The following GSDME variants were observed in gnomAD, a reference collection of about 807,000 sequenced individuals.
GSDME encodes gasdermin-E.
Under a neutral mutation model 47.5 loss-of-function variants are expected in GSDME, and 44 were observed. The observed-to-expected ratio is 0.93, with a 90% CI of 0.73 to 1.19. The LOEUF (loss-of-function observed/expected upper bound fraction) is 1.19, where lower values mean the gene tolerates loss of function less well. GSDME is among the 50% of genes most tolerant of loss of function. The pLI, the probability that GSDME is intolerant of heterozygous loss-of-function variation, is 0.00. For missense variants in GSDME, 663 were observed against 604.2 expected (o/e 1.10, Z -1.02); for synonymous variants, 258 against 252.8 (o/e 1.02, Z -0.20).
At chr7:24,770,681 A>G in the GSDME span, among the ~76,000 whole-genome samples, 2 of 152,192 alleles carry the variant, frequency 1.3e-5, no homozygotes, top group Non-Finnish European at 2.9e-5. This position sits in a 1 kb window ranked among gnomAD's most constrained non-coding sequence, Gnocchi z 4.6. Flanking sequence ...CCTAAGAGTA[A>G]TATAAGCAGA....
In GSDME at chr7:24,702,756, T is replaced by C. The variant is rs771650117; in HGVS notation, c.1257+4A>G. On this transcript the variant is annotated splice_donor_region_variant and intron_variant, in intron 9 of 9. Coordinates refer to ENST00000645220, the MANE Select transcript of GSDME (RefSeq NM_001127453.2). ...TCTAAGGTCCCACCTGGGAGGTTGC[T>C]TACCAAGTGGCACAGTGTGGGAATG... is the stretch of plus-strand genomic sequence containing the variant. 3.7e-6 allele frequency: 6 copies of C among 1,612,722 alleles called. No homozygotes were observed. Among genetic ancestry groups the C allele is most frequent in the Admixed American group, 1.7e-5 (1 of 59,960 alleles).
chr7:24,771,159 G>T, the GSDME span, among the ~76,000 whole-genome samples: 1 of 152,126 alleles, frequency 6.6e-6, no homozygotes, highest in East Asian at 1.9e-4. This position sits in a 1 kb window ranked among gnomAD's most constrained non-coding sequence, Gnocchi z 4.1. Flanking sequence ...CAAATATAAG[G>T]CATGTCAGGT....
At chr7:24,779,122 G>A in the GSDME span, among the ~76,000 whole-genome samples, 1 of 152,168 alleles carries the variant, frequency 6.6e-6, no homozygotes, top group Non-Finnish European at 1.5e-5. This position sits in a 1 kb window ranked among gnomAD's most constrained non-coding sequence, Gnocchi z 6.0. Context: ...CTTAACATAC[G>A]AGGCTATGAC....
chr7:24,719,146 T>C lies in GSDME; in HGVS notation c.477A>G (p.Thr159=). ...EGRNEVLCVL[T]QKITTMQKCV... ...ACTTCTGCATCGTCGTGATCTTCTG[T>C]GTCAAAACGCACAGGACCTCATTCC... Residue 159 remains threonine, a synonymous_variant, in exon 4 of 10, where the codon ACA becomes ACG. Coordinates refer to ENST00000645220, the MANE Select transcript of GSDME (RefSeq NM_001127453.2). The C allele has an allele frequency of 6.2e-7, 1 of 1,613,948 alleles. No homozygotes were observed. Among genetic ancestry groups the C allele is most frequent in the Non-Finnish European group, 8.5e-7 (1 of 1,180,030 alleles).
At chr7:24,708,099 C>T in intron 7 of GSDME, 28 bp downstream of exon 7, 2 of 1,613,080 alleles carry the variant, frequency 1.2e-6, no homozygotes. Context: ...CCAGTGAAAA[C>T]ACTGCCTTGA....
At position 24,714,441 on chromosome 7, in the gene GSDME, AAAG is replaced by A. The variant is rs1380562571; in HGVS notation, c.697+2810_697+2812del. On this transcript the variant is annotated intron_variant, in intron 5 of 9. Transcript: ENST00000645220. This position sits in a 1 kb window ranked among gnomAD's most constrained non-coding sequence, Gnocchi z 5.0. ...AGAAAACGGATGGGCAAAAAAAAGA[AAAG>A]AAATAGCAGAACTGGTTTAAAATCA... Among the ~76,000 whole-genome samples the A allele has an allele frequency of 2.0e-5, 3 of 152,128 alleles. No individual in the cohort carries two copies. The highest frequency in any genetic ancestry group is 4.4e-5 in the Non-Finnish European group (3 of 68,032).
chr7:24,785,104 T>C, the GSDME span, among the ~76,000 whole-genome samples: 1 of 152,160 alleles, frequency 6.6e-6, no homozygotes, highest in Non-Finnish European at 1.5e-5. Context: ...GCAGTTTGAG[T>C]CCCGCCTGAT....
intron 5 of GSDME, among the ~76,000 whole-genome samples, chr7:24,711,263 CTG>C (rs2128050411): frequency 6.6e-6 from 1 of 152,254 alleles, no homozygotes; most frequent in African/African-American, 2.4e-5. Flanking sequence ...CAGAGTCACT[CTG>C]TTGTCCAGGC....
the GSDME span, among the ~76,000 whole-genome samples, chr7:24,781,085 T>A: frequency 2.6e-5 from 4 of 152,172 alleles, no homozygotes; most frequent in Non-Finnish European, 5.9e-5. Context: ...GAAAAGCGCA[T>A]CTTTCTCAGA....
chr7:24,726,745 T>C lies in GSDME; in HGVS notation c.405-7527A>G, dbSNP rs1414895767. 6.7e-6 allele frequency among the ~76,000 whole-genome samples: 1 copy of C among 149,868 alleles called. No homozygotes were observed. Among genetic ancestry groups the C allele is most frequent in the African/African-American group, 2.5e-5 (1 of 40,458 alleles). On this transcript the variant is annotated intron_variant, in intron 3 of 9. Transcript: ENST00000645220. The surrounding 1 kb of genome is among the most constrained non-coding windows in gnomAD (Gnocchi z 5.6). Reference sequence around the variant, plus strand: ...TGGCGTTAACCCGGGAGGTGGAACTTGCAGTGAGCCGAGATCGCCCACTGC... The same window carrying C: ...TGGCGTTAACCCGGGAGGTGGAACTCGCAGTGAGCCGAGATCGCCCACTGC...
At chr7:24,748,166 A>T (rs57844622) in intron 2 of GSDME, among the ~76,000 whole-genome samples, 36,858 of 97,356 alleles carry the variant, frequency 0.38, 7,648 homozygotes, top group African/African-American at 0.66. Context: ...ATATATATAT[A>T]TATTTTTTTT....
intron 2 of GSDME, 140 bp downstream of exon 2, chr7:24,749,424 C>A (rs886249757): frequency 5.5e-5 from 40 of 731,198 alleles, no homozygotes; most frequent in Non-Finnish European, 9.3e-6. Context: ...ATCACCTGAA[C>A]CTGGGAGGCA....
the GSDME span, among the ~76,000 whole-genome samples, chr7:24,776,349 C>T: frequency 3.9e-5 from 6 of 152,150 alleles, no homozygotes; most frequent in South Asian, 1.2e-3. Flanking sequence ...TCACCAGGAG[C>T]CAGTTCTGGG....
chr7:24,723,942 C>T (rs1211328704), intron 3 of GSDME, among the ~76,000 whole-genome samples: 5 of 152,204 alleles, frequency 3.3e-5, no homozygotes, highest in East Asian at 3.9e-4. Context: ...TCACTCTCCT[C>T]GTGGCTGCCG....
chr7:24,787,323 C>T, the GSDME span, among the ~76,000 whole-genome samples: 1 of 152,198 alleles, frequency 6.6e-6, no homozygotes, highest in Non-Finnish European at 1.5e-5. This position sits in a 1 kb window ranked among gnomAD's most constrained non-coding sequence, Gnocchi z 5.0. Flanking sequence ...ATAAATGAAA[C>T]TCAATGAAAA....
intron 9 of GSDME, among the ~76,000 whole-genome samples, chr7:24,702,186 C>T (rs1451740414): frequency 2.0e-5 from 3 of 152,210 alleles, no homozygotes; most frequent in Non-Finnish European, 4.4e-5. Flanking sequence ...ACTAATGGCT[C>T]AATCTATAAT....
chr7:24,790,654 T>C, the GSDME span, among the ~76,000 whole-genome samples: 2 of 152,178 alleles, frequency 1.3e-5, no homozygotes, highest in Non-Finnish European at 2.9e-5. This position sits in a 1 kb window ranked among gnomAD's most constrained non-coding sequence, Gnocchi z 4.1. Flanking sequence ...GGATTCTTTT[T>C]AGTATGGTTT....
chr7:24,708,158 T>C lies in GSDME; in HGVS notation c.959A>G (p.Asp320Gly), dbSNP rs776024515. The C allele has an allele frequency of 6.2e-7, 1 of 1,614,144 alleles. No homozygotes were observed. The highest frequency in any genetic ancestry group is 8.5e-7 in the Non-Finnish European group (1 of 1,180,030). The part of the protein sequence containing the change: ...LSDIFQAVLF[D>G]DELLMVLEPV... Reference sequence around the variant, plus strand: ...TTCCAGGACCATGAGTAGTTCATCATCAAATAGGACCGCCTGGAAGATGTC... The same window carrying C: ...TTCCAGGACCATGAGTAGTTCATCACCAAATAGGACCGCCTGGAAGATGTC... The change falls in exon 7 of 10, where the codon GAT becomes GGT. Residue 320 changes from aspartate (D) to glycine (G), a missense_variant. Coordinates refer to ENST00000645220, the MANE Select transcript of GSDME (RefSeq NM_001127453.2).
chr7:24,792,784 C>T, the GSDME span, among the ~76,000 whole-genome samples: 4 of 151,918 alleles, frequency 2.6e-5, no homozygotes, highest in Non-Finnish European at 4.4e-5. Flanking sequence ...TAGGGTCCTT[C>T]CCAGGCTGGC....
Sources: gnomAD v4.1 joint callset for allele counts (sites outside exome capture counted in the v4.1 genomes callset) on GRCh38, gnomAD v4.1.1 for gene constraint, Gnocchi (gnomAD v3.1) non-coding constraint, MANE v1.5 for transcripts, NCBI Gene and HGNC (gene_info 2026-07-23, HGNC 2026-07-21) for gene names.